Variants in QPCT observed in about 807,000 individuals in gnomAD.
The protein encoded by QPCT is glutaminyl-peptide cyclotransferase.
Under a neutral mutation model 43.4 loss-of-function variants are expected in QPCT, and 44 were observed. The observed-to-expected ratio is 1.01, with a 90% CI of 0.80 to 1.30. The LOEUF (loss-of-function observed/expected upper bound fraction) is 1.30. Among genes scored for constraint, QPCT ranks in the 50% most tolerant of loss-of-function variants. The pLI is 0.00. For missense variants in QPCT, 526 were observed against 436.5 expected, an observed-to-expected ratio of 1.21 and a Z score of -1.83; for synonymous variants, 168 against 168.4, an observed-to-expected ratio of 1.00 and a Z score of 0.02.
At position 37,359,675 on chromosome 2, in the gene QPCT, A is replaced by G. The variant is rs778424711; in HGVS notation, c.363A>G (p.Ser121=). 1.4e-5 allele frequency: 22 copies of G among 1,614,034 alleles called. No homozygotes were observed. Among genetic ancestry groups the G allele is most frequent in the Admixed American group, 1.7e-5 (1 of 59,994 alleles). Residue 121 remains serine (S), a synonymous_variant, in exon 3 of 7, where the codon TCA becomes TCG. Transcript: ENST00000338415. ...CACCCTATGGGTACCGGTCTTTCTC[A>G]AATATCATCAGCACCCTCAATCCCA... ...SQTPYGYRSF[S]NIISTLNPTA... is the part of the protein sequence containing the mutation.
At chr2:37,345,528 T>C (rs1475965905) in intron 1 of QPCT, among the ~76,000 whole-genome samples, 1 of 152,182 alleles carries the variant, frequency 6.6e-6, no homozygotes, top group Non-Finnish European at 1.5e-5. Flanking sequence ...ATTTGCAAGT[T>C]CCCTCTGTAA....
At chr2:37,358,825 C>A (rs188742397) in intron 2 of QPCT, 3 of 152,208 alleles carry the variant, frequency 2.0e-5, no homozygotes, top group Non-Finnish European at 4.4e-5. Context: ...TTACAGTGAG[C>A]GGAGGTCTGA....
At chr2:37,347,207 C>CATATATATAACAT (rs1558599525) in intron 1 of QPCT, among the ~76,000 whole-genome samples, 13 of 28,978 alleles carry the variant, frequency 4.5e-4, no homozygotes, top group African/African-American at 2.1e-3. Flanking sequence ...ATATATATAA[C>CATATATATAACAT]ATATATATAA....
chr2:37,357,801 C>T (rs983671112), intron 2 of QPCT, among the ~76,000 whole-genome samples: 1 of 152,072 alleles, frequency 6.6e-6, no homozygotes, highest in South Asian at 2.1e-4. Context: ...TTTTGAGTCT[C>T]TTGCCTACGT....
rs375979469 is a variant in QPCT, at chr2:37,347,161, TATAAC to T, written c.120+2314_120+2318del. Among the ~76,000 whole-genome samples, 10 of 68,048 alleles carry T rather than the reference TATAAC, an allele frequency of 1.5e-4. 1 individual carries two copies. The highest frequency in any genetic ancestry group is 2.1e-4 in the African/African-American group (3 of 14,162). The allele number at this position is 68,048 out of a possible 152,430, so 44.6% of individuals were successfully genotyped here. ...GGGGTGTTTTATATATATATATATA[TATAAC>T]ATATATATATATAACATATATATAT... On this transcript the variant is annotated intron_variant, in intron 1 of 6. Transcript: ENST00000338415.
At chr2:37,368,527 A>T (rs950054732) in intron 4 of QPCT, 3 of 466,472 alleles carry the variant, frequency 6.4e-6, no homozygotes, top group African/African-American at 2.0e-5. Flanking sequence ...CCATTGCCCT[A>T]TCACTGACCT....
At chr2:37,364,500 T>A (rs1054841825) in intron 3 of QPCT, among the ~76,000 whole-genome samples, 1 of 152,132 alleles carries the variant, frequency 6.6e-6, no homozygotes, top group African/African-American at 2.4e-5. Flanking sequence ...CTTGACCACA[T>A]AATGGTGAAG....
At chr2:37,367,537 C>T (rs1672986809) in intron 4 of QPCT, 129 bp downstream of exon 4, 1 of 948,286 alleles carries the variant, frequency 1.1e-6, no homozygotes, top group East Asian at 2.8e-5. Context: ...ATAGAACATT[C>T]CTTGGCAGGC....
intron 3 of QPCT, among the ~76,000 whole-genome samples, chr2:37,366,761 C>A (rs750372028): frequency 6.6e-6 from 1 of 152,170 alleles, no homozygotes; most frequent in Non-Finnish European, 1.5e-5. Flanking sequence ...CCAACCCCTG[C>A]GGAGCTCTGG....
At position 37,347,231 on chromosome 2, in the gene QPCT, C is replaced by CATATATATATAACATATATATATAT. The variant is rs764663825; in HGVS notation, c.120+2391_120+2392insACATATATATATATATATATATATA. The stretch of plus-strand genomic sequence containing the variant: ...ACATATATATAACATATATATATAA[C>CATATATATATAACATATATATATAT]ATATATATATATATAACATATATAT... On this transcript the variant is annotated intron_variant, in intron 1 of 6. Coordinates refer to ENST00000338415, the MANE Select transcript of QPCT (RefSeq NM_012413.4). 4.2e-3 allele frequency among the ~76,000 whole-genome samples: 233 copies of CATATATATATAACATATATATATAT among 55,446 alleles called. 1 individual carries two copies. The highest frequency in any genetic ancestry group is 8.8e-3 in the Middle Eastern group (1 of 114). 36.4% of individuals were successfully genotyped at this position (55,446 alleles called of 152,430 possible).
intron 5 of QPCT, 118 bp from the exon 6 acceptor site, chr2:37,372,238 A>T (rs146328791): frequency 2.6e-6 from 2 of 778,878 alleles, no homozygotes; most frequent in Non-Finnish European, 4.5e-6. Flanking sequence ...CTGTTGCATA[A>T]TCTTTTACAA....
intron 1 of QPCT, among the ~76,000 whole-genome samples, chr2:37,347,222 TATATATAAC>T (rs1328344099): frequency 2.4e-4 from 21 of 87,006 alleles, no homozygotes; most frequent in Non-Finnish European, 4.2e-4. Context: ...ATATAACATA[TATATATAAC>T]ATATATATAT....
At chr2:37,351,548 G>C (rs1358043173) in intron 1 of QPCT, among the ~76,000 whole-genome samples, 1 of 152,198 alleles carries the variant, frequency 6.6e-6, no homozygotes, top group Non-Finnish European at 1.5e-5. Context: ...AGGCTGAAAG[G>C]AATTGCAACA....
chr2:37,358,193 A>T (rs1672786792), intron 2 of QPCT, among the ~76,000 whole-genome samples: 1 of 151,926 alleles, frequency 6.6e-6, no homozygotes, highest in Non-Finnish European at 1.5e-5. Flanking sequence ...CGGATGGATC[A>T]CTTGAGCCCA....
intron 2 of QPCT, among the ~76,000 whole-genome samples, chr2:37,356,899 G>A (rs1006214287): frequency 1.1e-4 from 16 of 152,094 alleles, no homozygotes; most frequent in African/African-American, 2.7e-4. Flanking sequence ...CCAGCTTTTC[G>A]GGAGGCTAAG....
chr2:37,350,610 T>G (rs1364019240), intron 1 of QPCT, among the ~76,000 whole-genome samples: 12 of 152,354 alleles, frequency 7.9e-5, no homozygotes, highest in South Asian at 6.2e-4. Context: ...TAGCATGGGA[T>G]TGGAAATCCC....
intron 3 of QPCT, 21 bp from the exon 4 acceptor site, chr2:37,367,211 T>C (rs1440705344): frequency 6.3e-7 from 1 of 1,595,380 alleles, no homozygotes; most frequent in Non-Finnish European, 8.5e-7. Flanking sequence ...TTTGCTATGT[T>C]TTTATTGTTG....
intron 4 of QPCT, chr2:37,368,549 A>C: frequency 2.1e-6 from 1 of 470,574 alleles, no homozygotes; most frequent in Non-Finnish European, 4.4e-6. Context: ...CGCCCTATAA[A>C]AGTACAAATG....
intron 1 of QPCT, among the ~76,000 whole-genome samples, chr2:37,345,159 G>A (rs998200704): frequency 6.6e-6 from 1 of 152,190 alleles, no homozygotes; most frequent in African/African-American, 2.4e-5. Flanking sequence ...CGGCTGCTGA[G>A]CCGGGAGGCG....
Sources: gnomAD v4.1 joint callset for allele counts (sites outside exome capture counted in the v4.1 genomes callset) on GRCh38, gnomAD v4.1.1 for gene constraint, MANE v1.5 for transcripts, NCBI Gene and HGNC (gene_info 2026-07-23, HGNC 2026-07-21) for gene names.